The following CACNA2D1 variants were observed in gnomAD, a reference collection of about 807,000 sequenced individuals.
CACNA2D1 encodes voltage-dependent calcium channel subunit alpha-2/delta-1.
In CACNA2D1, 53 loss-of-function variants were observed where a neutral mutation model predicts 171.5. The observed-to-expected ratio is 0.31, with a 90% CI of 0.25 to 0.39. CACNA2D1 has a LOEUF of 0.39. Ranked by LOEUF, CACNA2D1 falls within the 10% of genes least tolerant of loss-of-function variation. The pLI is 1.00. For missense variants in CACNA2D1, 903 were observed against 1,299.8 expected (o/e 0.69, Z 4.69); for synonymous variants, 442 against 443.1 (o/e 1.00, Z 0.03).
chr7:81,979,919 G>A (rs1796265615), intron 24 of CACNA2D1, among the ~76,000 whole-genome samples: 1 of 151,906 alleles, frequency 6.6e-6, no homozygotes, highest in African/African-American at 2.4e-5. Context: ...TGAATGTTAA[G>A]TCAAATAGAC....
At position 82,114,815 on chromosome 7, in the gene CACNA2D1, A is replaced by G. The variant is rs549833585; in HGVS notation, c.526+2229T>C. Among the ~76,000 whole-genome samples, 4 of 151,872 alleles carry G rather than the reference A, an allele frequency of 2.6e-5. No homozygotes were observed. In the South Asian group the frequency reaches 8.3e-4, roughly 32 times the overall value. On this transcript the variant is annotated intron_variant, in intron 6 of 38. Transcript: ENST00000356860. The stretch of plus-strand genomic sequence containing the variant: ...AAAAGGAAGTAAAGAGAAAGCAGCT[A>G]GTGTTCTGGCCACACCACATTTATT...
At chr7:82,302,411 CTT>C (rs200236524) in intron 3 of CACNA2D1, among the ~76,000 whole-genome samples, 39 of 139,994 alleles carry the variant, frequency 2.8e-4, no homozygotes, top group Admixed American at 2.9e-4. Context: ...ATTTCTAATT[CTT>C]TTTTTTTTTT....
chr7:82,363,255 T>TC (rs1491242664), intron 1 of CACNA2D1, among the ~76,000 whole-genome samples: 266 of 22,924 alleles, frequency 0.012, 8 homozygotes, highest in African/African-American at 0.04. Context: ...TATTTGTCTC[T>TC]TTTTTTTTTT....
intron 3 of CACNA2D1, among the ~76,000 whole-genome samples, chr7:82,314,816 A>G (rs943375691): frequency 6.6e-6 from 1 of 152,130 alleles, no homozygotes; most frequent in Non-Finnish European, 1.5e-5. Context: ...ATCCGTCATT[A>G]TGCCAATGAA....
chr7:82,021,143 GCTA>G (rs1584440648), intron 12 of CACNA2D1: 2 of 152,054 alleles, frequency 1.3e-5, no homozygotes, highest in East Asian at 3.8e-4. Flanking sequence ...GGAAGAATAA[GCTA>G]CGGGCCCACT....
chr7:82,358,676 T>C (rs956711005), intron 1 of CACNA2D1, among the ~76,000 whole-genome samples: 1 of 151,930 alleles, frequency 6.6e-6, no homozygotes, highest in African/African-American at 2.4e-5. Flanking sequence ...ATTTTCTGTT[T>C]TTTTTTTCTG....
chr7:82,121,996 A>G (rs1789795108), intron 5 of CACNA2D1, among the ~76,000 whole-genome samples: 1 of 151,186 alleles, frequency 6.6e-6, no homozygotes, highest in East Asian at 1.9e-4. Flanking sequence ...AAGAAAGGTG[A>G]AGAAACAATT....
At position 82,176,106 on chromosome 7, in the gene CACNA2D1, A is replaced by G. The variant is rs73705869; in HGVS notation, c.295-5497T>C. 1.4e-3 allele frequency among the ~76,000 whole-genome samples: 209 copies of G among 152,154 alleles called. 1 individual carries two copies. Among genetic ancestry groups the G allele is most frequent in the African/African-American group, 4.8e-3 (200 of 41,562 alleles). The stretch of plus-strand genomic sequence containing the variant: ...TATTTTTACCACAAATAGAATAAGA[A>G]AGCAGAGAAGATCATTGTGTTCTGC... On this transcript the variant is annotated intron_variant, in intron 3 of 38. Transcript: ENST00000356860.
rs958337559 is a variant in CACNA2D1 at position 81,949,236 on chromosome 7, T to C, written c.*1156A>G. On this transcript the variant is annotated 3_prime_UTR_variant, in exon 39 of 39. Transcript: ENST00000356860. ...TTTATGTACTTAAAATATCTGTACA[T>C]AGGTTATCAGGCGAAAGCATGAATC... 2 of 152,114 alleles carry C rather than the reference T, an allele frequency of 1.3e-5. No homozygotes were observed. The highest frequency in any genetic ancestry group is 2.4e-5 in the African/African-American group (1 of 41,444). The allele number at this position is 152,114 out of a possible 1,614,324, so 9.4% of individuals were successfully genotyped here. A position where few individuals can be genotyped will look rare whatever the true frequency, so the allele number is the denominator to read the frequency against.
intron 3 of CACNA2D1, among the ~76,000 whole-genome samples, chr7:82,197,334 T>A (rs1798950634): frequency 6.6e-6 from 1 of 152,102 alleles, no homozygotes; most frequent in African/African-American, 2.4e-5. Context: ...ATACATCTGA[T>A]GTTTTAAGCA....
At position 82,443,356 on chromosome 7, in the gene CACNA2D1, C is replaced by G. The variant is rs767758687; in HGVS notation, c.95+9G>C. On this transcript the variant is annotated intron_variant, in intron 1 of 38. Coordinates refer to ENST00000356860, the MANE Select transcript of CACNA2D1 (RefSeq NM_000722.4). ...CGGCCGGCGCTCCCTGCCCGGCCCG[C>G]CGACTTACGTGACGGCCGAAGGGAA... 6.2e-7 allele frequency: 1 copy of G among 1,600,270 alleles called. No homozygotes were observed. Among genetic ancestry groups the G allele is most frequent in the South Asian group, 1.1e-5 (1 of 89,552 alleles).
intron 3 of CACNA2D1, among the ~76,000 whole-genome samples, chr7:82,304,953 C>G (rs1465058341): frequency 2.6e-5 from 4 of 152,114 alleles, no homozygotes; most frequent in Non-Finnish European, 5.9e-5. Flanking sequence ...ACATTCTATG[C>G]ATGTAACAAA....
chr7:81,956,609 C>G (rs1793386186), intron 38 of CACNA2D1, among the ~76,000 whole-genome samples: 1 of 152,044 alleles, frequency 6.6e-6, no homozygotes, highest in Non-Finnish European at 1.5e-5. Context: ...GAAAACTATT[C>G]TTTTATTATG....
At chr7:82,153,786 C>A (rs1465042060) in intron 4 of CACNA2D1, among the ~76,000 whole-genome samples, 2 of 151,944 alleles carry the variant, frequency 1.3e-5, no homozygotes, top group Non-Finnish European at 2.9e-5. Context: ...CCTCCACCCA[C>A]CAAACCTTAC....
intron 2 of CACNA2D1, among the ~76,000 whole-genome samples, chr7:82,337,014 C>T (rs572055978): frequency 1.3e-5 from 2 of 152,188 alleles, no homozygotes; most frequent in South Asian, 4.2e-4. Context: ...ATGTGCCGGA[C>T]ATATTAATTA....
chr7:82,368,301 A>C (rs1227468436), intron 1 of CACNA2D1, among the ~76,000 whole-genome samples: 1 of 152,244 alleles, frequency 6.6e-6, no homozygotes, highest in Non-Finnish European at 1.5e-5. Flanking sequence ...TTCAGAGAAA[A>C]GCAGCCAAAC....
intron 6 of CACNA2D1, among the ~76,000 whole-genome samples, chr7:82,090,273 T>C (rs753471018): frequency 2.0e-5 from 3 of 152,054 alleles, no homozygotes; most frequent in Non-Finnish European, 4.4e-5. Context: ...AGCTTTCTAA[T>C]AAAGCAGATT....
At chr7:82,425,132 T>A (rs758176858) in intron 1 of CACNA2D1, among the ~76,000 whole-genome samples, 20 of 152,110 alleles carry the variant, frequency 1.3e-4, no homozygotes, top group Non-Finnish European at 2.4e-4. Context: ...TGATTTTCAA[T>A]GAATCAAAAA....
chr7:82,057,745 T>C (rs911578974), intron 10 of CACNA2D1, among the ~76,000 whole-genome samples: 1 of 152,060 alleles, frequency 6.6e-6, no homozygotes, highest in African/African-American at 2.4e-5. Flanking sequence ...ACAGAAACCA[T>C]GGATTCATAG....
Sources: gnomAD v4.1 joint callset for allele counts (sites outside exome capture counted in the v4.1 genomes callset) on GRCh38, gnomAD v4.1.1 for gene constraint, MANE v1.5 for transcripts, NCBI Gene and HGNC (gene_info 2026-07-23, HGNC 2026-07-21) for gene names.